The following PCNT variants were observed in gnomAD, a reference collection of about 807,000 sequenced individuals.
PCNT encodes pericentrin.
PCNT carries 319 observed loss-of-function variants against 380.4 expected under a neutral mutation model. The observed-to-expected ratio is 0.84, with a 90% CI of 0.77 to 0.92. The LOEUF is 0.92. PCNT is among the 40% of genes least tolerant of loss of function. PCNT has a pLI of 0.00. For missense variants in PCNT, 4,400 were observed against 4,255.3 expected (o/e 1.03, Z -0.95); for synonymous variants, 1,845 against 1,735.2 (o/e 1.06, Z -1.57).
intron 36 of PCNT, 73 bp from the exon 37 acceptor site, chr21:46,430,434 T>C: frequency 1.3e-6 from 2 of 1,529,688 alleles, no homozygotes; most frequent in Non-Finnish European, 1.8e-6. Context: ...CTGCCTCCCC[T>C]CCTGGAGCTC....
chr21:46,367,068 G>T lies in PCNT; in HGVS notation c.3094G>T (p.Asp1032Tyr). Reference protein sequence around the residue: ...KHEGELQSVRDHLRTEVSTEL... With the variant: ...KHEGELQSVRYHLRTEVSTEL... ...CGAAGGGGAGCTACAGTCTGTGCGG[G>T]ACCACCTGCGAACCGAAGTGAGCAC... The change falls in exon 15 of 47, where the codon GAC (aspartate) becomes TAC (tyrosine). Residue 1032 changes from aspartate (D) to tyrosine (Y), a missense_variant. Asp to Tyr is a radical substitution (Grantham distance 160, BLOSUM62 -3). Coordinates refer to ENST00000359568, the MANE Select transcript of PCNT (RefSeq NM_006031.6). 1 of 1,613,916 alleles carries T rather than the reference G, an allele frequency of 6.2e-7. No homozygotes were observed. Among genetic ancestry groups the T allele is most frequent in the Non-Finnish European group, 8.5e-7 (1 of 1,180,016 alleles).
intron 21 of PCNT, among the ~76,000 whole-genome samples, chr21:46,395,643 G>A (rs554318299): frequency 2.8e-4 from 42 of 151,586 alleles, no homozygotes; most frequent in African/African-American, 9.7e-4. Context: ...CTCCATCTCA[G>A]AAATAATAGT....
Position 46,377,521 on chromosome 21 carries a change from T to C in PCNT, c.3166-4173T>C, listed in dbSNP as rs370456998. ...TGTAACACACCTTTTCTACCAAGAATCTGTCATCACTTATCTTAGAGCTGA... is the reference window on the plus strand; with the variant it reads ...TGTAACACACCTTTTCTACCAAGAACCTGTCATCACTTATCTTAGAGCTGA... On this transcript the variant is annotated intron_variant, in intron 15 of 46. Coordinates refer to ENST00000359568, the MANE Select transcript of PCNT (RefSeq NM_006031.6). 3.4e-3 allele frequency among the ~76,000 whole-genome samples: 517 copies of C among 152,332 alleles called. 4 individuals are homozygous for C. Among genetic ancestry groups the C allele is most frequent in the African/African-American group, 0.012 (490 of 41,580 alleles).
chr21:46,392,357 T>G (rs553463528), intron 21 of PCNT, among the ~76,000 whole-genome samples: 2 of 152,218 alleles, frequency 1.3e-5, no homozygotes, highest in Admixed American at 6.5e-5. Context: ...GTAGCTGGGA[T>G]TACAGGTGAG....
Position 46,416,066 on chromosome 21 carries a change from C to T in PCNT, c.6151-3C>T, listed in dbSNP as rs1481300876. The T allele has an allele frequency of 2.5e-6, 4 of 1,613,840 alleles. No homozygotes were observed. The African/African-American group carries it at 4.0e-5, about 16-fold the overall frequency. ...CCGTGCACCTGTTCTGTTTCACCTG[C>T]AGGGTAAAGAAAAAGTACTGGAAGA... On this transcript the variant is annotated splice_polypyrimidine_tract_variant and splice_region_variant and intron_variant, in intron 29 of 46. Transcript: ENST00000359568.
chr21:46,399,642 TGGCTATACAGAAAGAGTC>T lies in PCNT; in HGVS notation c.4641_4658del (p.Ile1548_Ala1553del), dbSNP rs773729908. On this transcript the variant is annotated inframe_deletion, in exon 25 of 47. Transcript: ENST00000359568. ...GAAAAGTTGGATGAATTTAATGAAT[TGGCTATACAGAAAGAGTC>T]GGCAGATAGACAAGTGTTAATGCAG... 4 of 1,614,008 alleles carry T rather than the reference TGGCTATACAGAAAGAGTC, an allele frequency of 2.5e-6. No homozygotes were observed. In the Admixed American group the frequency reaches 6.7e-5, roughly 27 times the overall value.
At chr21:46,381,938 CATG>C in intron 16 of PCNT, 98 bp downstream of exon 16, 2 of 1,284,882 alleles carry the variant, frequency 1.6e-6, no homozygotes, top group African/African-American at 1.5e-5. Flanking sequence ...GGAGTGCACT[CATG>C]GTGTTGTGCA....
intron 19 of PCNT, 124 bp downstream of exon 19, chr21:46,389,555 T>G: frequency 5.7e-6 from 4 of 704,744 alleles, no homozygotes; most frequent in Non-Finnish European, 9.5e-6. Context: ...AGGAGGAGGC[T>G]TTTCTGAACC....
At chr21:46,366,014 GTGGGGTTCTATTCATTCACTGCCT>G (rs1569205756) in intron 14 of PCNT, among the ~76,000 whole-genome samples, 1 of 147,904 alleles carries the variant, frequency 6.8e-6, no homozygotes, top group Non-Finnish European at 1.5e-5. Context: ...GTTCACTGCC[GTGGGGTTCTATTCATTCACTGCCT>G]TGGGGTTCTA....
At chr21:46,375,055 A>G (rs1306969950) in intron 15 of PCNT, among the ~76,000 whole-genome samples, 2 of 152,148 alleles carry the variant, frequency 1.3e-5, no homozygotes, top group Non-Finnish European at 2.9e-5. Flanking sequence ...TGATTGGATT[A>G]CTTTCCGGGA....
At chr21:46,437,534 G>T (rs77379193) in intron 40 of PCNT, among the ~76,000 whole-genome samples, 1 of 152,180 alleles carries the variant, frequency 6.6e-6, no homozygotes, top group Non-Finnish European at 1.5e-5. Flanking sequence ...TTGCGTTGAC[G>T]GCCTTTGCTA....
chr21:46,426,051 G>A, intron 33 of PCNT, 80 bp downstream of exon 33: 1 of 1,122,118 alleles, frequency 8.9e-7, no homozygotes, highest in East Asian at 2.5e-5. Context: ...AGGGCCACGT[G>A]GACACTAGGA....
intron 15 of PCNT, among the ~76,000 whole-genome samples, chr21:46,375,997 G>T (rs1487663717): frequency 2.0e-5 from 3 of 152,182 alleles, no homozygotes; most frequent in African/African-American, 4.8e-5. Context: ...TGGAGGGAGC[G>T]CCACCTCTGT....
chr21:46,428,768 C>T lies in PCNT; in HGVS notation c.7690+178C>T, dbSNP rs144670979. Among the ~76,000 whole-genome samples the T allele has an allele frequency of 2.2e-3, 331 of 152,202 alleles. 2 individuals carry two copies. Among genetic ancestry groups the T allele is most frequent in the African/African-American group, 7.2e-3 (300 of 41,512 alleles). Reference sequence around the variant, plus strand: ...CAGAAAGGACCCTGGAGACAGGCAGCGCTGGGTGGGGCTGGCACGGAGGCC... The same window carrying T: ...CAGAAAGGACCCTGGAGACAGGCAGTGCTGGGTGGGGCTGGCACGGAGGCC... On this transcript the variant is annotated intron_variant, in intron 35 of 46. Coordinates refer to ENST00000359568, the MANE Select transcript of PCNT (RefSeq NM_006031.6).
intron 20 of PCNT, 72 bp from the exon 21 acceptor site, chr21:46,391,092 C>T: frequency 2.8e-6 from 4 of 1,428,154 alleles, no homozygotes; most frequent in South Asian, 2.5e-5. Context: ...GGCCCCGTCC[C>T]TTCCTCCAAG....
In PCNT at chr21:46,336,504, C is replaced by T. The variant is rs2083740265; in HGVS notation, c.639+1736C>T. ...TGTTGCAGCTCTGTCCGTGGGGAGC[C>T]CCTTCAGGTGGCTCCTGTGTCATGT... On this transcript the variant is annotated intron_variant, in intron 3 of 46. Coordinates refer to ENST00000359568, the MANE Select transcript of PCNT (RefSeq NM_006031.6). 2.0e-5 allele frequency among the ~76,000 whole-genome samples: 3 copies of T among 152,150 alleles called. No homozygotes were observed. In the East Asian group the frequency reaches 5.8e-4, roughly 29 times the overall value.
At chr21:46,434,353 T>C (rs1601196116) in intron 38 of PCNT, among the ~76,000 whole-genome samples, 1 of 152,332 alleles carries the variant, frequency 6.6e-6, no homozygotes, top group African/African-American at 2.4e-5. Context: ...GCAGGGGCGC[T>C]GGTGCCACAC....
In PCNT at chr21:46,445,427, C is replaced by T; in HGVS notation, c.*100C>T. 2 of 920,804 alleles carry T rather than the reference C, an allele frequency of 2.2e-6. No individual in the cohort carries two copies. The highest frequency in any genetic ancestry group is 1.3e-5 in the South Asian group (1 of 77,020). 57.0% of individuals were successfully genotyped at this position (920,804 alleles called of 1,614,324 possible). A position where few individuals can be genotyped will look rare whatever the true frequency, so the allele number is the denominator to read the frequency against. ...CTCGTGGGACAGCATGGGCACTACT[C>T]TTCATGTGCGGTGACACCAGCCCCC... On this transcript the variant is annotated 3_prime_UTR_variant, in exon 47 of 47. Transcript: ENST00000359568.
intron 29 of PCNT, among the ~76,000 whole-genome samples, chr21:46,413,994 C>CTT (rs5844268): frequency 7.2e-6 from 1 of 139,024 alleles, no homozygotes; most frequent in Non-Finnish European, 1.6e-5. Context: ...TTTTTTCTCT[C>CTT]TTTTTTTTTT....
Sources: gnomAD v4.1 joint callset for allele counts (sites outside exome capture counted in the v4.1 genomes callset) on GRCh38, gnomAD v4.1.1 for gene constraint, MANE v1.5 for transcripts, NCBI Gene and HGNC (gene_info 2026-07-23, HGNC 2026-07-21) for gene names.